LHFPL5: variants seen among roughly 807,000 people sequenced by gnomAD.
LHFPL5 encodes LHFPL tetraspan subfamily member 5, also known as LHFPL tetraspan subfamily member 5 protein.
Under a neutral mutation model 18.7 loss-of-function variants are expected in LHFPL5, and 12 were observed. The ratio of observed to expected loss-of-function variants is 0.64; its 90% CI spans 0.41 to 1.04. LHFPL5 has a LOEUF of 1.04. Among genes scored for constraint, LHFPL5 ranks in the 50% least tolerant of loss-of-function variants. LHFPL5 has a pLI of 0.00. For missense variants in LHFPL5, 259 were observed against 292.1 expected (o/e 0.89, Z 0.83); for synonymous variants, 111 against 120.2 (o/e 0.92, Z 0.50).
chr6:35,808,559 TTATACATATATATATATA>T (rs1768609869), intron 1 of LHFPL5, among the ~76,000 whole-genome samples: 1 of 84,076 alleles, frequency 1.2e-5, no homozygotes, highest in African/African-American at 4.6e-5. Context: ...TATATTCATT[TTATACATATATATATATA>T]TATATATATA....
intron 1 of LHFPL5, 109 bp downstream of exon 1, chr6:35,806,191 C>T: frequency 8.4e-7 from 1 of 1,185,372 alleles, no homozygotes; most frequent in Non-Finnish European, 1.2e-6. Flanking sequence ...TAGCTGTTCT[C>T]CTATAGCCCA....
intron 2 of LHFPL5, among the ~76,000 whole-genome samples, chr6:35,818,351 A>ATTTTTTTTTTTTTTTTTTTTTTTTTTT (rs766409391): frequency 9.4e-6 from 1 of 106,926 alleles, no homozygotes; most frequent in African/African-American, 3.8e-5. Context: ...ATATATATGT[A>ATTTTTTTTTTTTTTTTTTTTTTTTTTT]TTTTTTTTTT....
intron 3 of LHFPL5, among the ~76,000 whole-genome samples, chr6:35,820,578 T>C (rs1768847135): frequency 6.6e-6 from 1 of 151,990 alleles, no homozygotes; most frequent in South Asian, 2.1e-4. Context: ...TGGGCACCTG[T>C]AGTCCCAGCT....
chr6:35,818,535 T>A (rs4394212), intron 2 of LHFPL5, among the ~76,000 whole-genome samples: 142,403 of 151,136 alleles, frequency 0.94, 67,632 homozygotes, highest in East Asian at 1. Flanking sequence ...TTTAAAAAAA[T>A]TTTTTTTGTA....
chr6:35,816,520 G>T (rs1057472553), intron 2 of LHFPL5, among the ~76,000 whole-genome samples: 6 of 152,124 alleles, frequency 3.9e-5, no homozygotes, highest in African/African-American at 1.4e-4. Flanking sequence ...AAGAAAAAAT[G>T]AACTAGTAGG....
chr6:35,808,878 C>G (rs1012734427), intron 1 of LHFPL5, among the ~76,000 whole-genome samples: 2 of 151,944 alleles, frequency 1.3e-5, no homozygotes, highest in Non-Finnish European at 2.9e-5. Context: ...ACACTGATAG[C>G]AGAGGTGGCC....
At chr6:35,822,492 T>TTTTTG (rs1446694857) in intron 3 of LHFPL5, among the ~76,000 whole-genome samples, 1 of 152,092 alleles carries the variant, frequency 6.6e-6, no homozygotes, top group East Asian at 1.9e-4. Flanking sequence ...ATACATAGTT[T>TTTTTG]TTTTGTTTTG....
At chr6:35,810,700 G>C (rs540435198) in intron 1 of LHFPL5, among the ~76,000 whole-genome samples, 33 of 151,992 alleles carry the variant, frequency 2.2e-4, no homozygotes, top group African/African-American at 7.9e-4. Context: ...GGTGGCGGGC[G>C]CCTGTAGTCC....
At position 35,817,052 on chromosome 6, in the gene LHFPL5, C is replaced by T. The variant is rs144972739; in HGVS notation, c.649+2270C>T. Among the ~76,000 whole-genome samples the T allele has an allele frequency of 2.2e-3, 342 of 152,116 alleles. 3 individuals are homozygous for T. Among genetic ancestry groups the T allele is most frequent in the Admixed American group, 0.011 (173 of 15,284 alleles). The stretch of plus-strand genomic sequence containing the variant: ...TAAAAATCTTAAAAGAGGCCAGATG[C>T]GGTGGCTTATGCCTGTAATCCCAGC... On this transcript the variant is annotated intron_variant, in intron 2 of 3. Coordinates refer to ENST00000360215, the MANE Select transcript of LHFPL5 (RefSeq NM_182548.4).
chr6:35,816,698 G>A (rs1768769094), intron 2 of LHFPL5, among the ~76,000 whole-genome samples: 1 of 151,698 alleles, frequency 6.6e-6, no homozygotes, highest in Admixed American at 6.6e-5. Flanking sequence ...TGTAATCCCA[G>A]CTACTTGGGA....
intron 2 of LHFPL5, among the ~76,000 whole-genome samples, chr6:35,818,178 A>G (rs6931888): frequency 0.3 from 45,031 of 151,682 alleles, 6,975 homozygotes; most frequent in South Asian, 0.42. Flanking sequence ...AATCCATAGA[A>G]ACAGAAAGCA....
chr6:35,816,810 TAA>T (rs752528571), intron 2 of LHFPL5, among the ~76,000 whole-genome samples: 44 of 83,238 alleles, frequency 5.3e-4, no homozygotes, highest in African/African-American at 9.4e-4. Context: ...AGACTCCATC[TAA>T]AAAAAAAAAA....
intron 2 of LHFPL5, among the ~76,000 whole-genome samples, chr6:35,816,346 AAAAAAAAAAAAAAAAG>A (rs1768760018): frequency 4.8e-5 from 3 of 63,038 alleles, no homozygotes; most frequent in South Asian, 1.3e-3. Flanking sequence ...ACTCCGTCTC[AAAAAAAAAAAAAAAAG>A]AAAAAAAAAG....
In LHFPL5 at chr6:35,819,607, C is replaced by G. The variant is rs1192407993; in HGVS notation, c.*16+144C>G. ...GCTTGGGGAGAGAGGACCAACACCC[C>G]ACTGGGGCAGGAGCTATTTGGCCTC... On this transcript the variant is annotated intron_variant, in intron 3 of 3. Coordinates refer to ENST00000360215, the MANE Select transcript of LHFPL5 (RefSeq NM_182548.4). 3 of 777,384 alleles carry G rather than the reference C, an allele frequency of 3.9e-6. No homozygotes were observed. In the African/African-American group the frequency reaches 5.2e-5, roughly 13 times the overall value. The allele number at this position is 777,384 out of a possible 1,614,324, so 48.2% of individuals were successfully genotyped here. A position where few individuals can be genotyped will look rare whatever the true frequency, so the allele number is the denominator to read the frequency against.
At chr6:35,811,906 T>G (rs761126959) in intron 1 of LHFPL5, among the ~76,000 whole-genome samples, 3 of 152,204 alleles carry the variant, frequency 2.0e-5, no homozygotes, top group Non-Finnish European at 4.4e-5. Context: ...ATTCAGCCCC[T>G]GGGAGAGATG....
intron 2 of LHFPL5, among the ~76,000 whole-genome samples, chr6:35,816,981 C>G (rs1039680020): frequency 6.6e-6 from 1 of 151,882 alleles, no homozygotes; most frequent in African/African-American, 2.4e-5. Flanking sequence ...TACCTCACAC[C>G]ATATACAAAA....
chr6:35,813,792 CTTTTTTT>C (rs1012092184), intron 1 of LHFPL5, among the ~76,000 whole-genome samples: 39 of 121,526 alleles, frequency 3.2e-4, no homozygotes, highest in South Asian at 7.9e-4. Context: ...TTTCCTTTTC[CTTTTTTT>C]TTTTTTTTTT....
At chr6:35,820,728 A>G (rs1768849903) in intron 3 of LHFPL5, among the ~76,000 whole-genome samples, 1 of 150,272 alleles carries the variant, frequency 6.7e-6, no homozygotes, top group South Asian at 2.1e-4. Context: ...AATAAAATAG[A>G]ATAAAATAAA....
chr6:35,806,215 C>T, intron 1 of LHFPL5, 133 bp downstream of exon 1: 1 of 939,420 alleles, frequency 1.1e-6, no homozygotes, highest in South Asian at 1.5e-5. Context: ...CTACTCAGTG[C>T]TCTGCAGAAG....
Sources: allele counts gnomAD v4.1 joint callset (sites outside exome capture counted in the v4.1 genomes callset), GRCh38; gene constraint gnomAD v4.1.1; transcripts MANE v1.5; gene names NCBI Gene and HGNC (gene_info 2026-07-23, HGNC 2026-07-21).